Variants in PCDH15 observed in about 807,000 individuals in gnomAD.
PCDH15 encodes protocadherin-15.
In PCDH15, 129 loss-of-function variants were observed where a neutral mutation model predicts 178.5. The observed-to-expected ratio is 0.72, with a 90% CI of 0.63 to 0.84. PCDH15 has a LOEUF of 0.84. Ranked by LOEUF, PCDH15 falls within the 40% of genes least tolerant of loss-of-function variation. The pLI is 0.00. For missense variants in PCDH15, 2,230 were observed against 2,099.9 expected (o/e 1.06, Z -1.21); for synonymous variants, 800 against 732.0 (o/e 1.09, Z -1.50).
intron 2 of PCDH15, among the ~76,000 whole-genome samples, chr10:55,611,658 T>C (rs1175668529): frequency 3.9e-5 from 6 of 152,098 alleles, no homozygotes. Context: ...TCTGGGTGTA[T>C]ACTCAAATGA....
chr10:54,689,440 A>T (rs1409911925), intron 1 of PCDH15, among the ~76,000 whole-genome samples: 3 of 152,142 alleles, frequency 2.0e-5, no homozygotes, highest in Non-Finnish European at 4.4e-5. Flanking sequence ...CTTGAATGTT[A>T]TATAAAATGG....
intron 3 of PCDH15, among the ~76,000 whole-genome samples, chr10:54,455,122 G>T (rs537921165): frequency 6.6e-6 from 1 of 152,200 alleles, no homozygotes; most frequent in Non-Finnish European, 1.5e-5. Context: ...CAATATGATT[G>T]TATGTTTCCT....
At chr10:54,818,848 G>A (rs552834851) in intron 3 of PCDH15, among the ~76,000 whole-genome samples, 3 of 152,092 alleles carry the variant, frequency 2.0e-5, no homozygotes, top group Non-Finnish European at 2.9e-5. Context: ...TTTTTTAGAT[G>A]ATCTGTTATA....
At chr10:53,852,314 C>T (rs2078437406) in intron 28 of PCDH15, among the ~76,000 whole-genome samples, 2 of 152,046 alleles carry the variant, frequency 1.3e-5, no homozygotes, top group South Asian at 2.1e-4. Context: ...ACAAGCCTTA[C>T]AAAGAGGTGA....
At chr10:55,097,709 CAGAT>C (rs987461828) in intron 2 of PCDH15, among the ~76,000 whole-genome samples, 8 of 151,784 alleles carry the variant, frequency 5.3e-5, no homozygotes, top group African/African-American at 1.9e-4. Context: ...GATAGAGAGA[CAGAT>C]AGATAGATAG....
chr10:54,634,918 A>G (rs1287481927), intron 2 of PCDH15, among the ~76,000 whole-genome samples: 1 of 151,704 alleles, frequency 6.6e-6, no homozygotes, highest in Admixed American at 6.6e-5. Flanking sequence ...TTAATAGATA[A>G]TATTATAAAG....
chr10:53,838,558 A>G (rs1321168913), intron 29 of PCDH15, among the ~76,000 whole-genome samples: 1 of 152,124 alleles, frequency 6.6e-6, no homozygotes, highest in Non-Finnish European at 1.5e-5. Flanking sequence ...TATAATACAT[A>G]TTTTTATATT....
chr10:54,742,976 C>G (rs1945000167), intron 1 of PCDH15, among the ~76,000 whole-genome samples: 1 of 152,002 alleles, frequency 6.6e-6, no homozygotes, highest in Non-Finnish European at 1.5e-5. Context: ...AAGTTACAAA[C>G]TGGTCTTTAT....
intron 8 of PCDH15, among the ~76,000 whole-genome samples, chr10:54,293,698 C>G (rs978357098): frequency 5.3e-5 from 8 of 152,090 alleles, no homozygotes; most frequent in African/African-American, 1.9e-4. Context: ...ATTTATGCAG[C>G]CAACAGACAC....
intron 6 of PCDH15, among the ~76,000 whole-genome samples, chr10:54,336,072 G>A (rs915037659): frequency 3.3e-5 from 5 of 152,262 alleles, no homozygotes; most frequent in South Asian, 2.1e-4. Context: ...TGTCCCTGAC[G>A]TAGAGATTTG....
At chr10:54,499,874 T>C (rs2080494380) in intron 3 of PCDH15, among the ~76,000 whole-genome samples, 1 of 152,076 alleles carries the variant, frequency 6.6e-6, no homozygotes, top group South Asian at 2.1e-4. Context: ...AAAGAAAAAC[T>C]ACGGAAAGCA....
chr10:54,377,701 T>C (rs970673173), intron 4 of PCDH15, among the ~76,000 whole-genome samples: 1 of 152,114 alleles, frequency 6.6e-6, no homozygotes, highest in Non-Finnish European at 1.5e-5. Flanking sequence ...TTGGATTTCA[T>C]AAGCTGGGAA....
intron 2 of PCDH15, among the ~76,000 whole-genome samples, chr10:55,009,251 T>A (rs1839998565): frequency 2.4e-5 from 1 of 41,872 alleles, no homozygotes; most frequent in African/African-American, 5.2e-5. Flanking sequence ...CACGCACAGA[T>A]GTGTGTGTGT....
intron 2 of PCDH15, among the ~76,000 whole-genome samples, chr10:54,540,399 G>A (rs1477279274): frequency 6.6e-6 from 1 of 151,976 alleles, no homozygotes; most frequent in African/African-American, 2.4e-5. Context: ...ACACAAACTA[G>A]AAAATATACA....
chr10:53,824,413 TAAAA>T (rs1291587128), intron 32 of PCDH15, among the ~76,000 whole-genome samples: 1 of 152,020 alleles, frequency 6.6e-6, no homozygotes, highest in Non-Finnish European at 1.5e-5. Flanking sequence ...AGGAATGAAA[TAAAA>T]AAGAAATATT....
chr10:54,333,440 T>C (rs1940301587), intron 6 of PCDH15, among the ~76,000 whole-genome samples: 1 of 152,000 alleles, frequency 6.6e-6, no homozygotes, highest in Non-Finnish European at 1.5e-5. Flanking sequence ...AAGCAAAATA[T>C]AGATATCTTT....
chr10:55,340,970 A>G (rs901354727), intron 2 of PCDH15, among the ~76,000 whole-genome samples: 9 of 151,910 alleles, frequency 5.9e-5, no homozygotes, highest in African/African-American at 2.2e-4. Context: ...AATTTACACA[A>G]TTTGAAATCT....
chr10:54,219,518 G>A (rs1392934518), intron 9 of PCDH15, among the ~76,000 whole-genome samples: 1 of 147,384 alleles, frequency 6.8e-6, no homozygotes, highest in African/African-American at 2.5e-5. Flanking sequence ...GTGCGAACCT[G>A]GGAGGTGGAG....
At chr10:55,564,265 T>C (rs983158013) in intron 2 of PCDH15, among the ~76,000 whole-genome samples, 3 of 150,144 alleles carry the variant, frequency 2.0e-5, no homozygotes, top group Non-Finnish European at 4.5e-5. Context: ...AATGAAGATG[T>C]TATAGGAGCT....
Sources: gnomAD v4.1 joint callset for allele counts (sites outside exome capture counted in the v4.1 genomes callset) on GRCh38, gnomAD v4.1.1 for gene constraint, MANE v1.5 for transcripts, NCBI Gene and HGNC (gene_info 2026-07-23, HGNC 2026-07-21) for gene names.